GSG1L: variants seen among roughly 807,000 people sequenced by gnomAD.
GSG1L encodes the protein GSG1 like.
A neutral mutation model predicts 42.1 loss-of-function variants in GSG1L; 24 were observed. That is an observed-to-expected ratio of 0.57 (90% CI 0.41 to 0.80). GSG1L has a LOEUF of 0.80. Ranked by LOEUF, GSG1L falls within the 30% of genes least tolerant of loss-of-function variation. GSG1L has a pLI of 0.00. For synonymous variants in GSG1L, 215 were observed against 203.5 expected (o/e 1.06, Z -0.48); for missense variants, 445 against 472.2 (o/e 0.94, Z 0.53).
chr16:28,046,600 T>A (rs1349331982), intron 1 of GSG1L, among the ~76,000 whole-genome samples: 3 of 152,050 alleles, frequency 2.0e-5, no homozygotes, highest in African/African-American at 7.2e-5. Flanking sequence ...ATGATCCGCC[T>A]GCCTTGGCCT....
At chr16:27,823,833 T>G (rs1475764664) in intron 5 of GSG1L, 1 of 702,866 alleles carries the variant, frequency 1.4e-6, no homozygotes, top group Non-Finnish European at 2.6e-6. Flanking sequence ...CTATGTGGCC[T>G]GGGCTTAAAT....
At chr16:27,834,702 T>C (rs2083305009) in intron 4 of GSG1L, among the ~76,000 whole-genome samples, 1 of 152,144 alleles carries the variant, frequency 6.6e-6, no homozygotes, top group Admixed American at 6.5e-5. Context: ...CAAAGTTATG[T>C]GTGTAGAGTT....
chr16:27,880,307 G>A (rs896341619), intron 3 of GSG1L, among the ~76,000 whole-genome samples: 5 of 152,322 alleles, frequency 3.3e-5, no homozygotes, highest in East Asian at 1.9e-4. Context: ...TCCTGGGCAT[G>A]AATACAAAAT....
chr16:27,924,114 AAG>A (rs1180691514), intron 2 of GSG1L, among the ~76,000 whole-genome samples: 2 of 151,920 alleles, frequency 1.3e-5, no homozygotes, highest in Non-Finnish European at 2.9e-5. Context: ...TTACATCAGT[AAG>A]AGAAAAATTA....
chr16:27,892,275 G>A (rs2084138281), intron 2 of GSG1L, among the ~76,000 whole-genome samples: 1 of 150,932 alleles, frequency 6.6e-6, no homozygotes, highest in African/African-American at 2.4e-5. Context: ...GGCAATATAG[G>A]GAGACCTCAT....
At chr16:28,021,221 T>A (rs2085838837) in intron 1 of GSG1L, among the ~76,000 whole-genome samples, 2 of 151,966 alleles carry the variant, frequency 1.3e-5, no homozygotes, top group African/African-American at 4.8e-5. Flanking sequence ...AAACTTACAA[T>A]CATGGTGGAA....
intron 1 of GSG1L, among the ~76,000 whole-genome samples, chr16:28,043,839 T>C (rs562749459): frequency 2.8e-4 from 43 of 151,640 alleles, no homozygotes; most frequent in African/African-American, 9.9e-4. Flanking sequence ...CTGGGCAACA[T>C]GGTGAGACCC....
chr16:27,831,103 C>T (rs2083270675), intron 4 of GSG1L, among the ~76,000 whole-genome samples: 1 of 152,218 alleles, frequency 6.6e-6, no homozygotes, highest in Non-Finnish European at 1.5e-5. Flanking sequence ...TCATGAGACT[C>T]AACTCCTGGA....
At chr16:27,944,644 G>T (rs914462475) in intron 2 of GSG1L, among the ~76,000 whole-genome samples, 1 of 150,536 alleles carries the variant, frequency 6.6e-6, no homozygotes, top group Admixed American at 6.6e-5. Context: ...AAAGGAAGAC[G>T]TGAAGTACTG....
At chr16:27,965,677 C>T (rs1381416359) in intron 1 of GSG1L, among the ~76,000 whole-genome samples, 1 of 152,206 alleles carries the variant, frequency 6.6e-6, no homozygotes, top group Non-Finnish European at 1.5e-5. Flanking sequence ...TTATCTCATT[C>T]GTGGCTCTAG....
intron 1 of GSG1L, chr16:27,998,358 C>G (rs2085542479): frequency 6.6e-6 from 1 of 152,236 alleles, no homozygotes; most frequent in South Asian, 2.1e-4. Context: ...CTAATCTTCT[C>G]TGTATCATTC....
intron 2 of GSG1L, among the ~76,000 whole-genome samples, chr16:27,888,612 C>T (rs1187843835): frequency 3.4e-5 from 5 of 147,514 alleles, no homozygotes; most frequent in Non-Finnish European, 7.4e-5. Context: ...TCTCTCTCCC[C>T]GCCCCCCTTT....
At chr16:27,846,782 G>A (rs1007621877) in intron 3 of GSG1L, among the ~76,000 whole-genome samples, 3 of 151,956 alleles carry the variant, frequency 2.0e-5, no homozygotes, top group African/African-American at 4.8e-5. Context: ...GTGAAACCCT[G>A]TCTCTACTAA....
At chr16:27,916,938 G>A (rs1175771260) in intron 2 of GSG1L, among the ~76,000 whole-genome samples, 4 of 152,002 alleles carry the variant, frequency 2.6e-5, no homozygotes, top group East Asian at 1.9e-4. Context: ...CAGGCAAGAT[G>A]TCTATGAGGA....
At chr16:27,954,566 G>C (rs920081773) in intron 2 of GSG1L, among the ~76,000 whole-genome samples, 6 of 152,182 alleles carry the variant, frequency 3.9e-5, no homozygotes, top group African/African-American at 9.7e-5. Context: ...CACTGGAGAT[G>C]GGAGAGTTCC....
At chr16:27,946,503 C>A (rs899450756) in intron 2 of GSG1L, among the ~76,000 whole-genome samples, 1 of 147,924 alleles carries the variant, frequency 6.8e-6, no homozygotes, top group Non-Finnish European at 1.5e-5. Context: ...CGAAACTGTG[C>A]CATTGCACTC....
At chr16:28,021,248 G>A (rs909674314) in intron 1 of GSG1L, among the ~76,000 whole-genome samples, 2 of 152,120 alleles carry the variant, frequency 1.3e-5, no homozygotes, top group South Asian at 2.1e-4. Context: ...AGGGGTGCAA[G>A]TACACAGACT....
intron 1 of GSG1L, among the ~76,000 whole-genome samples, chr16:28,012,754 G>A (rs543435988): frequency 1.6e-4 from 24 of 152,036 alleles, no homozygotes; most frequent in African/African-American, 5.1e-4. Context: ...TAAAATTATC[G>A]AGGGTGGCAG....
chr16:27,908,423 C>T (rs191242702), intron 2 of GSG1L, among the ~76,000 whole-genome samples: 2 of 152,326 alleles, frequency 1.3e-5, no homozygotes, highest in Non-Finnish European at 2.9e-5. Context: ...TACATTTCCC[C>T]CAAGTCTCTA....
Sources: allele counts gnomAD v4.1 joint callset (sites outside exome capture counted in the v4.1 genomes callset), GRCh38; gene constraint gnomAD v4.1.1; transcripts MANE v1.5; gene names NCBI Gene and HGNC (gene_info 2026-07-23, HGNC 2026-07-21).